PCBD2: variants seen among roughly 807,000 people sequenced by gnomAD.
The protein encoded by PCBD2 is pterin-4-alpha-carbinolamine dehydratase 2.
Under a neutral mutation model 16.4 loss-of-function variants are expected in PCBD2, and 12 were observed. The observed-to-expected ratio is 0.73, with a 90% confidence interval of 0.47 to 1.19. PCBD2 has a LOEUF of 1.19. Ranked by LOEUF, PCBD2 falls within the 50% of genes most tolerant of loss-of-function variation. The pLI, the probability that PCBD2 is intolerant of heterozygous loss-of-function variation, is 0.00. For missense variants in PCBD2, 138 were observed against 156.8 expected, an observed-to-expected ratio of 0.88 and a Z score of 0.64; for synonymous variants, 58 against 61.8, an observed-to-expected ratio of 0.94 and a Z score of 0.29.
At chr5:134,921,495 C>T (rs1750902932) in intron 2 of PCBD2, among the ~76,000 whole-genome samples, 1 of 151,952 alleles carries the variant, frequency 6.6e-6, no homozygotes. Flanking sequence ...ACTTTGTCTG[C>T]AGTGTGTTGG....
intron 2 of PCBD2, among the ~76,000 whole-genome samples, chr5:134,917,538 C>A (rs1419570463): frequency 6.6e-6 from 1 of 152,178 alleles, no homozygotes; most frequent in Non-Finnish European, 1.5e-5. Flanking sequence ...AGCTCCTGGG[C>A]CCTGTCTGTG....
intron 2 of PCBD2, among the ~76,000 whole-genome samples, chr5:134,942,522 GA>G: frequency 6.6e-6 from 1 of 152,126 alleles, no homozygotes; most frequent in Non-Finnish European, 1.5e-5. Flanking sequence ...ATGACTCTGA[GA>G]TACACTCAGA....
intron 1 of PCBD2, among the ~76,000 whole-genome samples, chr5:134,907,381 C>T (rs1023605253): frequency 1.6e-4 from 24 of 152,100 alleles, no homozygotes; most frequent in African/African-American, 5.8e-4. Flanking sequence ...GTAGCTGAGA[C>T]TATAGGCGCG....
intron 2 of PCBD2, among the ~76,000 whole-genome samples, chr5:134,911,578 G>A (rs2149530186): frequency 6.6e-6 from 1 of 152,274 alleles, no homozygotes; most frequent in Non-Finnish European, 1.5e-5. Context: ...ACACAGTTCT[G>A]GGTACAAACA....
intron 2 of PCBD2, among the ~76,000 whole-genome samples, chr5:134,949,547 A>G (rs575198662): frequency 6.6e-6 from 1 of 152,356 alleles, no homozygotes; most frequent in Admixed American, 6.5e-5. Flanking sequence ...TTAGTTGACC[A>G]GTGTGCTAAA....
chr5:134,953,671 C>T (rs982168273), intron 2 of PCBD2, among the ~76,000 whole-genome samples: 1 of 151,894 alleles, frequency 6.6e-6, no homozygotes, highest in Non-Finnish European at 1.5e-5. Flanking sequence ...TGTGGTGGCA[C>T]GTGCCTATAG....
At chr5:134,926,440 A>G in intron 2 of PCBD2, 1 of 392,418 alleles carries the variant, frequency 2.5e-6, no homozygotes. Context: ...TAGGGTGGGT[A>G]TAGTAGCGTA....
chr5:134,932,693 A>G (rs947776733), intron 2 of PCBD2, among the ~76,000 whole-genome samples: 1 of 152,030 alleles, frequency 6.6e-6, no homozygotes, highest in African/African-American at 2.4e-5. Flanking sequence ...TATGTTGCCC[A>G]GGCTGGTCTT....
chr5:134,943,496 A>G (rs1283210554), intron 2 of PCBD2, among the ~76,000 whole-genome samples: 1 of 152,232 alleles, frequency 6.6e-6, no homozygotes, highest in African/African-American at 2.4e-5. Context: ...ACTTTTACAA[A>G]TGCTCATGGT....
chr5:134,927,968 A>C (rs527778696), intron 2 of PCBD2: 1 of 396,608 alleles, frequency 2.5e-6, no homozygotes, highest in Admixed American at 4.4e-5. Flanking sequence ...TGTTGATTCA[A>C]ATTATGTGTT....
intron 2 of PCBD2, among the ~76,000 whole-genome samples, chr5:134,949,949 G>A (rs1355897760): frequency 6.6e-6 from 1 of 152,162 alleles, no homozygotes; most frequent in African/African-American, 2.4e-5. Context: ...TTGTGTTGCC[G>A]GAATCTGGTA....
intron 2 of PCBD2, among the ~76,000 whole-genome samples, chr5:134,954,076 A>T (rs753622803): frequency 6.6e-6 from 1 of 151,864 alleles, no homozygotes; most frequent in African/African-American, 2.4e-5. Flanking sequence ...CCCAACCTCA[A>T]CCTCCTGAGT....
chr5:134,916,144 A>G (rs559753894), intron 2 of PCBD2, among the ~76,000 whole-genome samples: 1 of 152,258 alleles, frequency 6.6e-6, no homozygotes, highest in South Asian at 2.1e-4. Flanking sequence ...AAATTAGCCA[A>G]GAGTGGTGGC....
chr5:134,923,584 T>C, intron 2 of PCBD2: 1 of 337,198 alleles, frequency 3.0e-6, no homozygotes, highest in Non-Finnish European at 5.3e-6. Context: ...TCTGTTCCGA[T>C]GTATGGGACG....
At chr5:134,940,594 TATC>T (rs1234260005) in intron 2 of PCBD2, among the ~76,000 whole-genome samples, 3 of 152,184 alleles carry the variant, frequency 2.0e-5, no homozygotes, top group Non-Finnish European at 4.4e-5. Context: ...ACTTTGACCT[TATC>T]ATGAAACTCT....
At chr5:134,949,821 T>C (rs1381548710) in intron 2 of PCBD2, among the ~76,000 whole-genome samples, 2 of 152,246 alleles carry the variant, frequency 1.3e-5, no homozygotes, top group Admixed American at 1.3e-4. Context: ...CAGGGGAAGG[T>C]CCTGTCCTGT....
chr5:134,932,417 C>T (rs1046558606), intron 2 of PCBD2, among the ~76,000 whole-genome samples: 6 of 152,102 alleles, frequency 3.9e-5, no homozygotes, highest in Non-Finnish European at 8.8e-5. Flanking sequence ...TCTCAGCTCA[C>T]TGCAACCTCC....
chr5:134,925,729 G>T (rs1750983455), intron 2 of PCBD2: 1 of 396,756 alleles, frequency 2.5e-6, no homozygotes, highest in South Asian at 1.3e-4. Flanking sequence ...GAGTAGGGCT[G>T]AGACAGGGGT....
At chr5:134,906,349 G>A (rs967765142) in intron 1 of PCBD2, among the ~76,000 whole-genome samples, 3 of 151,782 alleles carry the variant, frequency 2.0e-5, no homozygotes, top group East Asian at 1.9e-4. Flanking sequence ...GACAACAGGC[G>A]CCCGTCGCCA....
Sources: gnomAD v4.1 joint callset for allele counts (sites outside exome capture counted in the v4.1 genomes callset) on GRCh38, gnomAD v4.1.1 for gene constraint, MANE v1.5 for transcripts, NCBI Gene and HGNC (gene_info 2026-07-23, HGNC 2026-07-21) for gene names.